The following NFIX variants were observed in gnomAD, a reference collection of about 807,000 sequenced individuals.
NFIX encodes the protein nuclear factor 1 X-type.
Under a neutral mutation model 53.3 loss-of-function variants are expected in NFIX, and 2 were observed. That is an observed-to-expected ratio of 0.04 (90% CI 0.02 to 0.12). The LOEUF is 0.12. Among genes scored for constraint, NFIX ranks in the 10% least tolerant of loss-of-function variants. NFIX has a pLI of 1.00. For missense variants in NFIX, 310 were observed against 674.5 expected (o/e 0.46, Z 5.99); for synonymous variants, 244 against 289.0 (o/e 0.84, Z 1.58).
intron 6 of NFIX, 108 bp downstream of exon 6, chr19:13,075,779 G>T: frequency 2.3e-6 from 3 of 1,291,372 alleles, no homozygotes; most frequent in Middle Eastern, 2.2e-4. Context: ...CTGTCGGGGG[G>T]CATTACCCAT....
chr19:13,023,636 T>C lies in NFIX; in HGVS notation c.28-1385T>C, dbSNP rs972335642. The stretch of plus-strand genomic sequence containing the variant: ...TTAAATTTTGCATTTTTTTCTTTTT[T>C]TTTTTTTTTAAACTGGAAGAGGATG... On this transcript the variant is annotated intron_variant, in intron 1 of 10. Coordinates refer to ENST00000592199, the MANE Select transcript of NFIX (RefSeq NM_001365902.3). 2.4e-4 allele frequency among the ~76,000 whole-genome samples: 30 copies of C among 126,668 alleles called. 1 individual carries two copies. Among genetic ancestry groups the C allele is most frequent in the Admixed American group, 3.1e-4 (4 of 12,808 alleles). 83.1% of individuals were successfully genotyped at this position (126,668 alleles called of 152,430 possible). A position where few individuals can be genotyped will look rare whatever the true frequency, so the allele number is the denominator to read the frequency against.
At position 13,002,703 on chromosome 19, in the gene NFIX, A is replaced by G. The variant is rs2011780225; in HGVS notation, c.27+6839A>G. 6.6e-6 allele frequency among the ~76,000 whole-genome samples: 1 copy of G among 152,192 alleles called. No homozygotes were observed. Among genetic ancestry groups the G allele is most frequent in the Non-Finnish European group, 1.5e-5 (1 of 68,010 alleles). On this transcript the variant is annotated intron_variant, in intron 1 of 10. Coordinates refer to ENST00000592199, the MANE Select transcript of NFIX (RefSeq NM_001365902.3). This position sits in a 1 kb window ranked among gnomAD's most constrained non-coding sequence, Gnocchi z 6.1. ...CACTACCGATGTGGCTGCGCCAGCC[A>G]GGGAGGGGAGGCGGGTAGCGGGCAC...
intron 2 of NFIX, among the ~76,000 whole-genome samples, chr19:13,042,305 T>C (rs1288292552): frequency 6.6e-6 from 1 of 151,888 alleles, no homozygotes; most frequent in African/African-American, 2.4e-5. Flanking sequence ...TTACCTCTTA[T>C]TATAAGTGTA....
rs2088488156 is a variant in NFIX at position 13,073,940 on chromosome 19, C to T, written c.732C>T (p.Ser244=). Reference sequence around the variant, plus strand: ...CAACAGCATCAGGGCCCAACTTCTCCCTGGCGGACCTGGAGAGTCCCAGCT... The same window carrying T: ...CAACAGCATCAGGGCCCAACTTCTCTCTGGCGGACCTGGAGAGTCCCAGCT... ...PVATASGPNF[S]LADLESPSYY... is the part of the protein sequence containing the mutation. The change falls in exon 5 of 11, where the codon TCC becomes TCT. Residue 244 remains serine (S), a synonymous_variant. Coordinates refer to ENST00000592199, the MANE Select transcript of NFIX (RefSeq NM_001365902.3). This position sits in a 1 kb window ranked among gnomAD's most constrained non-coding sequence, Gnocchi z 4.5. The T allele has an allele frequency of 6.2e-7, 1 of 1,613,876 alleles. No individual in the cohort carries two copies. Among genetic ancestry groups the T allele is most frequent in the Admixed American group, 1.7e-5 (1 of 60,006 alleles).
At position 13,073,069 on chromosome 19, in the gene NFIX, A is replaced by C. The variant is rs1199679780; in HGVS notation, c.582A>C (p.Ser194=). Reference sequence around the variant, plus strand: ...CAGAATCCGGACAATCAGATAGTTCAAACCAGCAAGGAGATGCGGACATCA... The same window carrying C: ...CAGAATCCGGACAATCAGATAGTTCCAACCAGCAAGGAGATGCGGACATCA... The part of the protein sequence containing the change: ...HTPESGQSDS[S]NQQGDADIKP... The change falls in exon 3 of 11, where the codon TCA becomes TCC. Residue 194 remains serine, a synonymous_variant. Transcript: ENST00000592199. This position sits in a 1 kb window ranked among gnomAD's most constrained non-coding sequence, Gnocchi z 4.5. 1 of 1,614,008 alleles carries C rather than the reference A, an allele frequency of 6.2e-7. No individual in the cohort carries two copies. The highest frequency in any genetic ancestry group is 1.7e-5 in the Admixed American group (1 of 60,028).
Position 13,011,445 on chromosome 19 carries a change from T to C in NFIX, c.28-13576T>C, listed in dbSNP as rs1370658420. 2.0e-5 allele frequency among the ~76,000 whole-genome samples: 3 copies of C among 149,654 alleles called. No homozygotes were observed. The highest frequency in any genetic ancestry group is 7.3e-5 in the African/African-American group (3 of 40,984). On this transcript the variant is annotated intron_variant, in intron 1 of 10. Coordinates refer to ENST00000592199, the MANE Select transcript of NFIX (RefSeq NM_001365902.3). This position sits in a 1 kb window ranked among gnomAD's most constrained non-coding sequence, Gnocchi z 6.5. ...CGCTACCCGCCCTCCAGGCCTTCGC[T>C]CCAGGTGCGCCCGGGCGGTGGAGGC...
intron 2 of NFIX, among the ~76,000 whole-genome samples, chr19:13,063,132 G>A (rs73507366): frequency 0.013 from 1,964 of 152,240 alleles, 34 homozygotes; most frequent in African/African-American, 0.045. Flanking sequence ...AATCCCTGCC[G>A]ACCCTCTGTC....
intron 2 of NFIX, among the ~76,000 whole-genome samples, chr19:13,065,527 G>C (rs557313783): frequency 2.6e-5 from 4 of 152,170 alleles, no homozygotes; most frequent in Non-Finnish European, 5.9e-5. Context: ...AGGCCCACTC[G>C]CATGTCCCAT....
At position 13,073,272 on chromosome 19, in the gene NFIX, A is replaced by T; in HGVS notation, c.623-150A>T. 2.2e-6 allele frequency: 2 copies of T among 895,232 alleles called. No homozygotes were observed. The highest frequency in any genetic ancestry group is 3.8e-6 in the Non-Finnish European group (2 of 533,238). 55.5% of individuals were successfully genotyped at this position (895,232 alleles called of 1,614,324 possible). Reference sequence around the variant, plus strand: ...GAGGGGATGGGGGCACACCTAGAGGATCCCCCCTGTTCGGTGTAGACCTGA... The same window carrying T: ...GAGGGGATGGGGGCACACCTAGAGGTTCCCCCCTGTTCGGTGTAGACCTGA... On this transcript the variant is annotated intron_variant, in intron 3 of 10. Coordinates refer to ENST00000592199, the MANE Select transcript of NFIX (RefSeq NM_001365902.3). The surrounding 1 kb of genome is among the most constrained non-coding windows in gnomAD (Gnocchi z 4.5).
chr19:13,024,041 AT>A lies in NFIX; in HGVS notation c.28-977del, dbSNP rs1419635970. On this transcript the variant is annotated intron_variant, in intron 1 of 10. Transcript: ENST00000592199. The stretch of plus-strand genomic sequence containing the variant: ...CGGGTGCTTCAGATCAATGGTAATT[AT>A]TTAATTTTTTCCAGTTTTATTTTTG... 5.5e-6 allele frequency: 8 copies of A among 1,460,218 alleles called. No homozygotes were observed. In the East Asian group the frequency reaches 1.9e-4, roughly 35 times the overall value. 90.5% of individuals were successfully genotyped at this position (1,460,218 alleles called of 1,614,324 possible). A position where few individuals can be genotyped will look rare whatever the true frequency, so the allele number is the denominator to read the frequency against.
Position 13,098,304 on chromosome 19 carries a change from C to A in NFIX, c.*3655C>A, listed in dbSNP as rs1237917866. The A allele has an allele frequency of 6.7e-6, 1 of 149,914 alleles. No individual in the cohort carries two copies. Among genetic ancestry groups the A allele is most frequent in the African/African-American group, 2.5e-5 (1 of 40,754 alleles). 9.3% of individuals were successfully genotyped at this position (149,914 alleles called of 1,614,324 possible). On this transcript the variant is annotated 3_prime_UTR_variant, in exon 11 of 11. Transcript: ENST00000592199. Reference sequence around the variant, plus strand: ...CACCCTCGGGGCGCCCCCCTCCCCCCGCAAGCCAGCCTGGGCCAGCCCCGC... The same window carrying A: ...CACCCTCGGGGCGCCCCCCTCCCCCAGCAAGCCAGCCTGGGCCAGCCCCGC...
At position 13,073,085 on chromosome 19, in the gene NFIX, G is replaced by A. The variant is rs1181075747; in HGVS notation, c.598G>A (p.Ala200Thr). 5 of 1,613,898 alleles carry A rather than the reference G, an allele frequency of 3.1e-6. No homozygotes were observed. The South Asian group carries it at 5.5e-5, about 18-fold the overall frequency. ...QSDSSNQQGD[A>T]DIKPLPNGHL... Reference sequence around the variant, plus strand: ...AGATAGTTCAAACCAGCAAGGAGATGCGGACATCAAACCACTGCCCAACGG... The same window carrying A: ...AGATAGTTCAAACCAGCAAGGAGATACGGACATCAAACCACTGCCCAACGG... Residue 200 changes from alanine to threonine, a missense_variant, in exon 3 of 11, where the codon GCG becomes ACG. Physicochemically the swap from Ala to Thr is moderately conservative, Grantham distance 58. Coordinates refer to ENST00000592199, the MANE Select transcript of NFIX (RefSeq NM_001365902.3). The surrounding 1 kb of genome is among the most constrained non-coding windows in gnomAD (Gnocchi z 4.5).
intron 1 of NFIX, among the ~76,000 whole-genome samples, chr19:13,000,535 T>C (rs2011638732): frequency 7.3e-6 from 1 of 137,084 alleles, no homozygotes. Context: ...AACTTCAAGA[T>C]AGGGGAGAGA....
At chr19:13,092,349 C>G (rs983799942) in intron 10 of NFIX, among the ~76,000 whole-genome samples, 1 of 152,226 alleles carries the variant, frequency 6.6e-6, no homozygotes, top group Non-Finnish European at 1.5e-5. Flanking sequence ...GGCAGCAGAT[C>G]CCCCATTTCT....
intron 2 of NFIX, among the ~76,000 whole-genome samples, chr19:13,035,254 T>G (rs1245054092): frequency 6.6e-6 from 1 of 152,250 alleles, no homozygotes; most frequent in African/African-American, 2.4e-5. Context: ...CTGTGTGTCC[T>G]GTGTTGTTTT....
chr19:13,055,599 C>T (rs2015619954), intron 2 of NFIX, among the ~76,000 whole-genome samples: 1 of 152,244 alleles, frequency 6.6e-6, no homozygotes, highest in African/African-American at 2.4e-5. Flanking sequence ...GCCAAGACCA[C>T]CCTCCACTTG....
In NFIX at chr19:13,060,330, G is replaced by GC. The variant is rs1194254180; in HGVS notation, c.560-12715dup. 6.6e-6 allele frequency among the ~76,000 whole-genome samples: 1 copy of GC among 152,266 alleles called. No homozygotes were observed. The highest frequency in any genetic ancestry group is 2.4e-5 in the African/African-American group (1 of 41,482). On this transcript the variant is annotated intron_variant, in intron 2 of 10. Coordinates refer to ENST00000592199, the MANE Select transcript of NFIX (RefSeq NM_001365902.3). This position sits in a 1 kb window ranked among gnomAD's most constrained non-coding sequence, Gnocchi z 4.3. ...GGCCATTCCTGGCCCAGAGCCTGAGGCCATTGGAAAGGGCCTATATCTGGA... is the reference window on the plus strand; with the variant it reads ...GGCCATTCCTGGCCCAGAGCCTGAGGCCCATTGGAAAGGGCCTATATCTGGA...
At position 13,068,157 on chromosome 19, in the gene NFIX, T is replaced by G. The variant is rs532424064; in HGVS notation, c.560-4890T>G. Among the ~76,000 whole-genome samples the G allele has an allele frequency of 6.7e-6, 1 of 149,682 alleles. No homozygotes were observed. The highest frequency in any genetic ancestry group is 2.1e-4 in the South Asian group (1 of 4,664). On this transcript the variant is annotated intron_variant, in intron 2 of 10. Transcript: ENST00000592199. This position sits in a 1 kb window ranked among gnomAD's most constrained non-coding sequence, Gnocchi z 4.2. ...AACAAAAACATGCTGTCAGTTGGAG[T>G]TTATGTGCAATCCCAGGCTCCTCCT...
In NFIX at chr19:13,013,477, C is replaced by T. The variant is rs1018862990; in HGVS notation, c.28-11544C>T. ...TTTTCCACGTGCGGATGACTCAGCCCGCTGCAGCTGCGCCCGGGGAGGTGA... is the reference window on the plus strand; with the variant it reads ...TTTTCCACGTGCGGATGACTCAGCCTGCTGCAGCTGCGCCCGGGGAGGTGA... On this transcript the variant is annotated intron_variant, in intron 1 of 10. Transcript: ENST00000592199. The surrounding 1 kb of genome is among the most constrained non-coding windows in gnomAD (Gnocchi z 5.9). 6.6e-6 allele frequency among the ~76,000 whole-genome samples: 1 copy of T among 152,116 alleles called. No individual in the cohort carries two copies. Among genetic ancestry groups the T allele is most frequent in the Non-Finnish European group, 1.5e-5 (1 of 68,016 alleles).
Sources: allele counts gnomAD v4.1 joint callset (sites outside exome capture counted in the v4.1 genomes callset), GRCh38; gene constraint gnomAD v4.1.1; non-coding constraint Gnocchi (gnomAD v3.1); transcripts MANE v1.5; gene names NCBI Gene and HGNC (gene_info 2026-07-23, HGNC 2026-07-21).